FGF12: variants seen among roughly 807,000 people sequenced by gnomAD.
FGF12 encodes the protein fibroblast growth factor 12B.
In FGF12, 14 loss-of-function variants were observed where a neutral mutation model predicts 23.6. That is an observed-to-expected ratio of 0.59 (90% CI 0.39 to 0.93). The LOEUF is 0.93. Among genes scored for constraint, FGF12 ranks in the 40% least tolerant of loss-of-function variants. The pLI, the probability that FGF12 is intolerant of heterozygous loss-of-function variation, is 0.00. For synonymous variants in FGF12, 62 were observed against 77.3 expected (o/e 0.80, Z 1.04); for missense variants, 175 against 217.8 (o/e 0.80, Z 1.24).
chr3:192,718,178 T>C (rs1718923478), intron 2 of FGF12, among the ~76,000 whole-genome samples: 1 of 147,918 alleles, frequency 6.8e-6, no homozygotes, highest in Admixed American at 6.7e-5. Context: ...TTTTTTTTTT[T>C]TTTTTTTAGC....
chr3:192,660,178 C>T (rs1716599349), intron 2 of FGF12, among the ~76,000 whole-genome samples: 1 of 150,336 alleles, frequency 6.7e-6, no homozygotes. Flanking sequence ...TACTATGCAG[C>T]CATAAAAAAG....
chr3:192,193,037 A>C (rs189971461), intron 4 of FGF12, among the ~76,000 whole-genome samples: 1 of 152,342 alleles, frequency 6.6e-6, no homozygotes, highest in East Asian at 1.9e-4. Context: ...AACATAGAGC[A>C]GGACAAGATT....
chr3:192,692,710 T>TAAAA (rs200005337), intron 2 of FGF12, among the ~76,000 whole-genome samples: 29 of 123,224 alleles, frequency 2.4e-4, no homozygotes, highest in African/African-American at 8.3e-4. Context: ...AGACCCTGTC[T>TAAAA]AAAAAAAAAA....
chr3:192,310,629 A>C (rs934429927), intron 4 of FGF12, among the ~76,000 whole-genome samples: 2 of 152,190 alleles, frequency 1.3e-5, no homozygotes, highest in African/African-American at 4.8e-5. Context: ...CTCACAATAC[A>C]TGTTTAAATT....
At chr3:192,506,157 C>A (rs983769747) in intron 2 of FGF12, among the ~76,000 whole-genome samples, 4 of 152,160 alleles carry the variant, frequency 2.6e-5, no homozygotes, top group Non-Finnish European at 5.9e-5. Flanking sequence ...GGTCTCTTAT[C>A]AGGAGAAAGT....
chr3:192,317,519 G>A (rs972992176), intron 4 of FGF12, among the ~76,000 whole-genome samples: 9 of 152,138 alleles, frequency 5.9e-5, no homozygotes, highest in African/African-American at 1.7e-4. Flanking sequence ...GAAAAAGGAA[G>A]AGTAGGAAAG....
intron 2 of FGF12, among the ~76,000 whole-genome samples, chr3:192,394,506 C>T (rs1470745597): frequency 3.9e-5 from 6 of 152,090 alleles, no homozygotes; most frequent in Non-Finnish European, 5.9e-5. Context: ...TACACCTGTC[C>T]TCCATGAGTA....
intron 4 of FGF12, among the ~76,000 whole-genome samples, chr3:192,186,984 T>C (rs1461564182): frequency 6.6e-6 from 1 of 152,212 alleles, no homozygotes; most frequent in Non-Finnish European, 1.5e-5. Flanking sequence ...GAAAGGAAGC[T>C]TGGAATTCTT....
intron 4 of FGF12, among the ~76,000 whole-genome samples, chr3:192,203,497 T>G (rs2108664572): frequency 6.6e-6 from 1 of 152,220 alleles, no homozygotes; most frequent in East Asian, 1.9e-4. Context: ...GGATACATGT[T>G]GCATTTGAAG....
chr3:192,207,859 C>T (rs1717734915), intron 4 of FGF12, among the ~76,000 whole-genome samples: 1 of 152,170 alleles, frequency 6.6e-6, no homozygotes, highest in African/African-American at 2.4e-5. Context: ...TCCCTGCCAC[C>T]ATTTCAGACA....
chr3:192,314,107 A>G (rs373288249), intron 4 of FGF12, among the ~76,000 whole-genome samples: 95 of 152,252 alleles, frequency 6.2e-4, no homozygotes, highest in African/African-American at 2.2e-3. Flanking sequence ...GGGCCCTTAC[A>G]AGAAACTTGG....
At chr3:192,607,264 C>T (rs1714372825) in intron 2 of FGF12, among the ~76,000 whole-genome samples, 1 of 152,122 alleles carries the variant, frequency 6.6e-6, no homozygotes, top group Non-Finnish European at 1.5e-5. Flanking sequence ...CCAGGAAACC[C>T]CATGTGTTCA....
At chr3:192,177,782 A>T (rs896300565) in intron 4 of FGF12, among the ~76,000 whole-genome samples, 4 of 152,186 alleles carry the variant, frequency 2.6e-5, no homozygotes, top group African/African-American at 9.7e-5. Flanking sequence ...ACATGGTTTG[A>T]TCTCTTATTT....
At chr3:192,702,394 C>G (rs1237439449) in intron 2 of FGF12, among the ~76,000 whole-genome samples, 1 of 152,086 alleles carries the variant, frequency 6.6e-6, no homozygotes, top group Non-Finnish European at 1.5e-5. Flanking sequence ...AGAAATTCAC[C>G]TTGAAAATAT....
chr3:192,585,742 T>C (rs1713348283), intron 2 of FGF12, among the ~76,000 whole-genome samples: 1 of 152,080 alleles, frequency 6.6e-6, no homozygotes, highest in South Asian at 2.1e-4. Flanking sequence ...GGTGGAAGAC[T>C]GGGGCCAATA....
intron 4 of FGF12, among the ~76,000 whole-genome samples, chr3:192,284,529 G>A (rs1052064043): frequency 3.9e-5 from 6 of 152,036 alleles, no homozygotes; most frequent in African/African-American, 1.4e-4. Flanking sequence ...GGACAGAAGG[G>A]AGAGGAGATT....
chr3:192,432,164 A>C (rs1339157598), intron 2 of FGF12, among the ~76,000 whole-genome samples: 2 of 152,186 alleles, frequency 1.3e-5, no homozygotes, highest in East Asian at 3.9e-4. Flanking sequence ...AGCTGTCCTA[A>C]GTACTAACAA....
At chr3:192,613,362 A>T (rs147343792) in intron 2 of FGF12, among the ~76,000 whole-genome samples, 8 of 152,000 alleles carry the variant, frequency 5.3e-5, no homozygotes, top group African/African-American at 1.9e-4. Context: ...TCACAGGTAT[A>T]CCACAGATAT....
intron 2 of FGF12, among the ~76,000 whole-genome samples, chr3:192,567,758 TTTC>T (rs1292199675): frequency 1.6e-5 from 2 of 128,308 alleles, no homozygotes; most frequent in East Asian, 2.0e-4. Flanking sequence ...TCTTTCTTTC[TTTC>T]TTTCTTTCTT....
Sources: gnomAD v4.1 joint callset for allele counts (sites outside exome capture counted in the v4.1 genomes callset) on GRCh38, gnomAD v4.1.1 for gene constraint, MANE v1.5 for transcripts, NCBI Gene and HGNC (gene_info 2026-07-23, HGNC 2026-07-21) for gene names.